Variants in PPP2R2B observed in about 807,000 individuals in gnomAD.
PPP2R2B encodes protein phosphatase 2 regulatory subunit Bbeta.
PPP2R2B carries 5 observed loss-of-function variants against 46.0 expected under a neutral mutation model. The observed-to-expected ratio is 0.11, with a 90% confidence interval of 0.06 to 0.23. PPP2R2B has a LOEUF of 0.23. Ranked by LOEUF, PPP2R2B falls within the 10% of genes least tolerant of loss-of-function variation. The pLI is 1.00. For synonymous variants in PPP2R2B, 215 were observed against 206.7 expected (o/e 1.04, Z -0.34); for missense variants, 367 against 575.0 (o/e 0.64, Z 3.70).
At chr5:146,590,978 A>G (rs1281840831) in intron 9 of PPP2R2B, among the ~76,000 whole-genome samples, 1 of 152,176 alleles carries the variant, frequency 6.6e-6, no homozygotes, top group Non-Finnish European at 1.5e-5. Flanking sequence ...CCTCTTAGGC[A>G]TAGCTGCAAT....
chr5:146,789,938 T>C (rs1756086704), intron 2 of PPP2R2B, among the ~76,000 whole-genome samples: 1 of 152,096 alleles, frequency 6.6e-6, no homozygotes, highest in Non-Finnish European at 1.5e-5. Flanking sequence ...AGAACATAAC[T>C]AGGTCTGCAA....
chr5:146,697,970 T>C lies in PPP2R2B; in HGVS notation c.334+9A>G, dbSNP rs1581900589. 2 of 1,603,690 alleles carry C rather than the reference T, an allele frequency of 1.2e-6. No individual in the cohort carries two copies. Among genetic ancestry groups the C allele is most frequent in the Non-Finnish European group, 1.7e-6 (2 of 1,176,062 alleles). On this transcript the variant is annotated intron_variant, in intron 4 of 9. Coordinates refer to ENST00000394411, the MANE Select transcript of PPP2R2B (RefSeq NM_181675.4). Reference sequence around the variant, plus strand: ...ATCTCTGAAAATACCAAACAGGAATTCCACCTACCATTAGTAGACAGAAGA... The same window carrying C: ...ATCTCTGAAAATACCAAACAGGAATCCCACCTACCATTAGTAGACAGAAGA...
chr5:146,731,159 T>C (rs1374068178), intron 2 of PPP2R2B, among the ~76,000 whole-genome samples: 2 of 152,216 alleles, frequency 1.3e-5, no homozygotes, highest in African/African-American at 2.4e-5. Flanking sequence ...AATAAAATGT[T>C]GTATGTGTGA....
chr5:146,803,914 T>C (rs1175372844), intron 2 of PPP2R2B, among the ~76,000 whole-genome samples: 2 of 152,170 alleles, frequency 1.3e-5, no homozygotes, highest in East Asian at 3.9e-4. Flanking sequence ...ATGCCTGTAA[T>C]CCCAGCACTT....
intron 7 of PPP2R2B, among the ~76,000 whole-genome samples, chr5:146,633,964 A>G (rs574756135): frequency 1.8e-4 from 27 of 152,186 alleles, no homozygotes; most frequent in Middle Eastern, 3.4e-3. Context: ...GCGATGCTAT[A>G]TTTGTTTCTG....
chr5:146,903,172 C>T (rs1375086461), intron 1 of PPP2R2B, among the ~76,000 whole-genome samples: 1 of 151,920 alleles, frequency 6.6e-6, no homozygotes, highest in East Asian at 1.9e-4. Context: ...TAAAAGCATG[C>T]CATTGATGTT....
At chr5:146,957,638 G>T (rs776967673) in intron 1 of PPP2R2B, among the ~76,000 whole-genome samples, 4 of 152,144 alleles carry the variant, frequency 2.6e-5, no homozygotes, top group Non-Finnish European at 5.9e-5. Context: ...AGAGGCACCT[G>T]ACACAAATAG....
intron 7 of PPP2R2B, among the ~76,000 whole-genome samples, chr5:146,602,606 T>G (rs572941039): frequency 3.9e-5 from 6 of 152,186 alleles, no homozygotes; most frequent in Non-Finnish European, 8.8e-5. Context: ...ACTCGCATAG[T>G]CAGTAATGAA....
At chr5:147,057,900 A>C (rs1436993183), upstream of PPP2R2B, among the ~76,000 whole-genome samples, 3 of 152,238 alleles carry the variant, frequency 2.0e-5, no homozygotes, top group Non-Finnish European at 4.4e-5. Flanking sequence ...GACACTGTTG[A>C]GGATATGATA....
intron 2 of PPP2R2B, among the ~76,000 whole-genome samples, chr5:146,754,788 G>A (rs1319076741): frequency 1.3e-5 from 2 of 152,192 alleles, no homozygotes; most frequent in Non-Finnish European, 2.9e-5. Flanking sequence ...CCTGTCAATA[G>A]CCAGTGATGG....
chr5:146,899,264 C>G (rs867833621), intron 1 of PPP2R2B, among the ~76,000 whole-genome samples: 3 of 147,396 alleles, frequency 2.0e-5, no homozygotes, highest in African/African-American at 7.7e-5. Flanking sequence ...GAAAATGTGG[C>G]ACATATACAC....
intron 3 of PPP2R2B, 74 bp from the exon 4 acceptor site, chr5:146,698,218 T>A (rs1045099498): frequency 1.5e-6 from 2 of 1,366,796 alleles, no homozygotes; most frequent in Non-Finnish European, 1.9e-6. Flanking sequence ...ACTCCCTTTT[T>A]TTTCCAGCAG....
chr5:146,674,994 C>T lies in PPP2R2B; in HGVS notation c.447+16134G>A, dbSNP rs566613794. Among the ~76,000 whole-genome samples, 384 of 152,222 alleles carry T rather than the reference C, an allele frequency of 2.5e-3. 4 individuals are homozygous for T. The highest frequency in any genetic ancestry group is 7.6e-3 in the African/African-American group (316 of 41,534). ...GTTATTATTATTAGAGATGGAGTCT[C>T]GCTCTGTTGCCAGGCTGGAGTTCAG... On this transcript the variant is annotated intron_variant, in intron 5 of 9. Transcript: ENST00000394411.
At chr5:146,904,646 C>T (rs1762940934) in intron 1 of PPP2R2B, among the ~76,000 whole-genome samples, 1 of 152,180 alleles carries the variant, frequency 6.6e-6, no homozygotes, top group African/African-American at 2.4e-5. Context: ...CTGAAGACAT[C>T]TGCTTGAAGT....
intron 2 of PPP2R2B, among the ~76,000 whole-genome samples, chr5:146,712,990 A>G (rs1297342528): frequency 6.6e-6 from 1 of 152,248 alleles, no homozygotes; most frequent in Non-Finnish European, 1.5e-5. Context: ...GTCCTCATGC[A>G]TCTTACATTC....
intron 2 of PPP2R2B, among the ~76,000 whole-genome samples, chr5:146,788,443 T>A (rs1755983646): frequency 6.6e-6 from 1 of 151,900 alleles, no homozygotes. Context: ...ACTTTAAAAA[T>A]CTACGGTGGG....
chr5:146,769,033 A>T lies in PPP2R2B; in HGVS notation c.71-67891T>A, dbSNP rs572630288. 4.6e-5 allele frequency among the ~76,000 whole-genome samples: 7 copies of T among 152,114 alleles called. No homozygotes were observed. In the East Asian group the frequency reaches 1.4e-3, roughly 29 times the overall value. On this transcript the variant is annotated intron_variant, in intron 2 of 9. Transcript: ENST00000394411. ...GGTGGGAAAGCAGGTATGTGCCACC[A>T]TGCCTGGCTAATTTTTGTATTTTTA...
rs191426680 is a variant in PPP2R2B at position 146,840,081 on chromosome 5, A to G, written c.70+37921T>C. ...CTAAAAGAGCAGAGAGCTAAAATGA[A>G]AAGTTAATTATGTTGATTCTGTTTT... On this transcript the variant is annotated intron_variant, in intron 2 of 9. Coordinates refer to ENST00000394411, the MANE Select transcript of PPP2R2B (RefSeq NM_181675.4). Among the ~76,000 whole-genome samples the G allele has an allele frequency of 2.9e-4, 44 of 152,332 alleles. No individual in the cohort carries two copies. The East Asian group carries it at 8.1e-3, about 28-fold the overall frequency.
intron 5 of PPP2R2B, among the ~76,000 whole-genome samples, chr5:146,681,062 C>T (rs144422404): frequency 7.9e-4 from 121 of 152,276 alleles, no homozygotes; most frequent in African/African-American, 2.9e-3. Flanking sequence ...AAAATGCTTA[C>T]ATCAATGCAT....
Sources: allele counts gnomAD v4.1 joint callset (sites outside exome capture counted in the v4.1 genomes callset), GRCh38; gene constraint gnomAD v4.1.1; transcripts MANE v1.5; gene names NCBI Gene and HGNC (gene_info 2026-07-23, HGNC 2026-07-21).